The following PTPRG variants were observed in gnomAD, a reference collection of about 807,000 sequenced individuals.
The protein encoded by PTPRG is protein tyrosine phosphatase receptor type G.
PTPRG carries 102 observed loss-of-function variants against 165.3 expected under a neutral mutation model. The observed-to-expected ratio is 0.62, with a 90% CI of 0.53 to 0.73. PTPRG has a LOEUF of 0.73. Among genes scored for constraint, PTPRG ranks in the 30% least tolerant of loss-of-function variants. The pLI is 0.00. For missense variants in PTPRG, 1,866 were observed against 1,861.4 expected, an observed-to-expected ratio of 1.00 and a Z score of -0.05; for synonymous variants, 675 against 669.5, an observed-to-expected ratio of 1.01 and a Z score of -0.13.
At chr3:61,884,690 C>G (rs1327228848) in intron 2 of PTPRG, among the ~76,000 whole-genome samples, 2 of 152,162 alleles carry the variant, frequency 1.3e-5, no homozygotes, top group Non-Finnish European at 2.9e-5. Flanking sequence ...TGGAATGATA[C>G]TTTAACTTTT....
intron 1 of PTPRG, among the ~76,000 whole-genome samples, chr3:61,643,652 C>T (rs1207371171): frequency 6.6e-6 from 1 of 151,850 alleles, no homozygotes; most frequent in Admixed American, 6.6e-5. Flanking sequence ...TGGTGGCGCA[C>T]GCCTGTAATC....
intron 4 of PTPRG, among the ~76,000 whole-genome samples, chr3:62,060,053 CA>C (rs1279592240): frequency 6.6e-6 from 1 of 151,826 alleles, no homozygotes; most frequent in East Asian, 1.9e-4. Flanking sequence ...ACCATCTCTA[CA>C]AAAAAATACA....
intron 5 of PTPRG, among the ~76,000 whole-genome samples, chr3:62,081,379 G>C (rs1293177805): frequency 6.6e-6 from 1 of 152,070 alleles, no homozygotes; most frequent in Non-Finnish European, 1.5e-5. Flanking sequence ...AAATCTCCCT[G>C]TTGCCCAGGC....
rs578041380 is a variant in PTPRG at position 61,763,435 on chromosome 3, C to T, written c.190+14453C>T. Reference sequence around the variant, plus strand: ...GTATTTTTAGTAGAGACGGGTTTCACTGTCTGCCACTACAGCACCTCCCAG... The same window carrying T: ...GTATTTTTAGTAGAGACGGGTTTCATTGTCTGCCACTACAGCACCTCCCAG... On this transcript the variant is annotated intron_variant, in intron 2 of 29. Coordinates refer to ENST00000474889, the MANE Select transcript of PTPRG (RefSeq NM_002841.4). 3.3e-5 allele frequency among the ~76,000 whole-genome samples: 5 copies of T among 152,062 alleles called. No homozygotes were observed. The East Asian group carries it at 9.7e-4, about 29-fold the overall frequency.
In PTPRG at chr3:62,083,960, A is replaced by G. The variant is rs186060627; in HGVS notation, c.615+5702A>G. Among the ~76,000 whole-genome samples, 47 of 152,332 alleles carry G rather than the reference A, an allele frequency of 3.1e-4. 1 individual carries two copies. The highest frequency in any genetic ancestry group is 7.2e-4 in the Admixed American group (11 of 15,302). On this transcript the variant is annotated intron_variant, in intron 5 of 29. Coordinates refer to ENST00000474889, the MANE Select transcript of PTPRG (RefSeq NM_002841.4). ...TTTATTATCTTAAGGGGAACATCTC[A>G]TTCATTTCATTACCCAGTTGCCATT... is the stretch of plus-strand genomic sequence containing the variant.
chr3:61,878,698 C>G (rs1442876215), intron 2 of PTPRG, among the ~76,000 whole-genome samples: 1 of 151,876 alleles, frequency 6.6e-6, no homozygotes, highest in Non-Finnish European at 1.5e-5. Flanking sequence ...GAGATGAGGT[C>G]TTACTATGTT....
chr3:62,247,637 C>A (rs2106961596), intron 15 of PTPRG, among the ~76,000 whole-genome samples: 1 of 152,234 alleles, frequency 6.6e-6, no homozygotes, highest in East Asian at 1.9e-4. Flanking sequence ...CCATTCCCTG[C>A]ACAAAAACAG....
chr3:62,146,486 C>T (rs1008487448), intron 6 of PTPRG, among the ~76,000 whole-genome samples: 3 of 152,126 alleles, frequency 2.0e-5, no homozygotes, highest in Non-Finnish European at 2.9e-5. Flanking sequence ...TTTCTCTGGA[C>T]TGTGCCTGTA....
chr3:62,059,968 A>G (rs1204034022), intron 4 of PTPRG, among the ~76,000 whole-genome samples: 1 of 152,192 alleles, frequency 6.6e-6, no homozygotes, highest in Non-Finnish European at 1.5e-5. Flanking sequence ...CTGTGAGTCA[A>G]TTAAACCTCT....
chr3:62,098,077 A>T (rs1428699666), intron 5 of PTPRG, among the ~76,000 whole-genome samples: 3 of 152,186 alleles, frequency 2.0e-5, no homozygotes, highest in Non-Finnish European at 2.9e-5. Context: ...TGCATGACTG[A>T]TAAAAGAATT....
intron 2 of PTPRG, among the ~76,000 whole-genome samples, chr3:61,957,772 T>G (rs1001136443): frequency 6.6e-6 from 1 of 152,200 alleles, no homozygotes; most frequent in Non-Finnish European, 1.5e-5. Flanking sequence ...TTCATGCGAT[T>G]CCATTTTAAT....
chr3:61,813,287 G>A (rs1407947620), intron 2 of PTPRG, among the ~76,000 whole-genome samples: 1 of 147,038 alleles, frequency 6.8e-6, no homozygotes, highest in East Asian at 2.0e-4. Flanking sequence ...CCTGAGGTCA[G>A]GAGACCAGCC....
intron 2 of PTPRG, among the ~76,000 whole-genome samples, chr3:61,966,997 A>G (rs191438813): frequency 2.0e-5 from 3 of 152,336 alleles, no homozygotes; most frequent in South Asian, 2.1e-4. Flanking sequence ...CATTGGCTTA[A>G]TTTCTTTCTA....
chr3:61,936,859 C>T (rs941647388), intron 2 of PTPRG, among the ~76,000 whole-genome samples: 11 of 152,270 alleles, frequency 7.2e-5, no homozygotes, highest in East Asian at 1.9e-4. Flanking sequence ...GCAACCACTG[C>T]GAAAACATCC....
chr3:62,206,912 C>CAAAAAAAAAAAAA (rs556974355), intron 12 of PTPRG, among the ~76,000 whole-genome samples: 12 of 37,334 alleles, frequency 3.2e-4, no homozygotes, highest in African/African-American at 8.5e-4. Flanking sequence ...GACTCTGTCT[C>CAAAAAAAAAAAAA]AAAAAAAAAA....
In PTPRG at chr3:61,894,736, C is replaced by T. The variant is rs79385323; in HGVS notation, c.191-94889C>T. On this transcript the variant is annotated intron_variant, in intron 2 of 29. Coordinates refer to ENST00000474889, the MANE Select transcript of PTPRG (RefSeq NM_002841.4). ...AAAACATGGTCACAAAGAAAACCTT[C>T]TTCCTTGGGATGAATCAGATTTGAG... 5.2e-4 allele frequency among the ~76,000 whole-genome samples: 79 copies of T among 152,318 alleles called. 1 individual carries two copies. In the East Asian group the frequency reaches 6.9e-3, roughly 13 times the overall value.
At chr3:62,167,183 A>C (rs1388813213) in intron 7 of PTPRG, among the ~76,000 whole-genome samples, 1 of 152,180 alleles carries the variant, frequency 6.6e-6, no homozygotes, top group Non-Finnish European at 1.5e-5. Flanking sequence ...ACAACTTTAT[A>C]AGGTAAGTAT....
chr3:61,891,777 A>G (rs1425295742), intron 2 of PTPRG, among the ~76,000 whole-genome samples: 1 of 152,224 alleles, frequency 6.6e-6, no homozygotes, highest in East Asian at 1.9e-4. Context: ...ATCCTCTATC[A>G]TGGGAAGGCT....
At chr3:61,570,796 G>A (rs1244873719) in intron 1 of PTPRG, among the ~76,000 whole-genome samples, 1 of 152,094 alleles carries the variant, frequency 6.6e-6, no homozygotes, top group Non-Finnish European at 1.5e-5. Flanking sequence ...TTTACAAAGC[G>A]GTGGTTATTT....
Sources: allele counts gnomAD v4.1 joint callset (sites outside exome capture counted in the v4.1 genomes callset), GRCh38; gene constraint gnomAD v4.1.1; transcripts MANE v1.5; gene names NCBI Gene and HGNC (gene_info 2026-07-23, HGNC 2026-07-21).